Variants in PPEF1 observed in about 807,000 individuals in gnomAD.
PPEF1 encodes the protein protein phosphatase with EF-hand domain 1.
A neutral mutation model predicts 53.3 loss-of-function variants in PPEF1; 12 were observed. That is an observed-to-expected ratio of 0.23 (90% CI 0.14 to 0.36). PPEF1 has a LOEUF of 0.36. Ranked by LOEUF, PPEF1 falls within the 10% of genes least tolerant of loss-of-function variation. The pLI is 1.00. For missense variants in PPEF1, 334 were observed against 490.4 expected (o/e 0.68, Z 3.01); for synonymous variants, 165 against 176.7 (o/e 0.93, Z 0.52).
chrX:18,740,400 C>CCT (rs914168779), intron 3 of PPEF1, among the ~76,000 whole-genome samples: 4 of 100,252 alleles, frequency 4.0e-5, no homozygotes, highest in Admixed American at 2.2e-4. Context: ...TGTTTTCTGT[C>CCT]CTCTCTCTCT....
chrX:18,816,846 C>G (rs896932537), intron 12 of PPEF1, among the ~76,000 whole-genome samples: 5 of 111,614 alleles, frequency 4.5e-5, no homozygotes, highest in African/African-American at 1.6e-4. Flanking sequence ...GTATGCCACT[C>G]TAGCTCTCAG....
At chrX:18,675,294 GC>G (rs753089176), upstream of PPEF1, among the ~76,000 whole-genome samples, 1 of 113,575 alleles carries the variant, frequency 8.8e-6, no homozygotes, top group East Asian at 2.8e-4. Context: ...CGGGCTTTGC[GC>G]CCCCGGCAGC....
At chrX:18,714,517 C>T (rs1036562487) in intron 1 of PPEF1, among the ~76,000 whole-genome samples, 5 of 111,249 alleles carry the variant, frequency 4.5e-5, no homozygotes, top group Admixed American at 9.5e-5. Flanking sequence ...ATGGTTCGCC[C>T]GCCTCGGCCT....
chrX:18,813,116 C>T (rs188319291), intron 12 of PPEF1, among the ~76,000 whole-genome samples: 75 of 111,267 alleles, frequency 6.7e-4, no homozygotes, highest in African/African-American at 2.4e-3. Flanking sequence ...CACGGTGGCT[C>T]ATGCCTGTAA....
intron 6 of PPEF1, among the ~76,000 whole-genome samples, chrX:18,770,075 A>T (rs180774815): frequency 9.0e-6 from 1 of 111,689 alleles, no homozygotes; most frequent in Non-Finnish European, 1.9e-5. Context: ...TCACCATGTC[A>T]TAGACGGTTT....
intron 1 of PPEF1, among the ~76,000 whole-genome samples, chrX:18,709,267 C>G (rs1311480107): frequency 9.0e-6 from 1 of 111,573 alleles, no homozygotes; most frequent in East Asian, 2.8e-4. Context: ...CCTCTCAGCC[C>G]CTGGCAACCA....
At position 18,677,701 on chromosome X, in the gene PPEF1, G is replaced by C. The variant is rs1801816100; in HGVS notation, c.-587+1571G>C. 4.5e-5 allele frequency among the ~76,000 whole-genome samples: 5 copies of C among 111,428 alleles called. No homozygotes were observed. The South Asian group carries it at 1.9e-3, about 42-fold the overall frequency. On this transcript the variant is annotated intron_variant, in intron 1 of 20. Coordinates refer to the PPEF1 transcript ENST00000689646. ...AGAAGAGAACTTCTGGAAGTCCCCT[G>C]CCAGCCACCGTCTGCTCTCGTGCTC...
Position 18,823,958 on chromosome X carries a change from G to A in PPEF1, c.1537G>A (p.Glu513Lys). 8.3e-7 allele frequency: 1 copy of A among 1,207,402 alleles called. No homozygotes were observed. ...LSVSQWAFCMENILGLNLPWR... is the reference protein window; with the variant it reads ...LSVSQWAFCMKNILGLNLPWR... ...TGTGAGCCAGTGGGCTTTTTGCATGGAGAACATTTTGGGGCTGAACTTACC... is the reference window on the plus strand; with the variant it reads ...TGTGAGCCAGTGGGCTTTTTGCATGAAGAACATTTTGGGGCTGAACTTACC... The change falls in exon 14 of 16, where the codon GAG (glutamate) becomes AAG (lysine). Residue 513 changes from glutamate (E) to lysine (K), a missense_variant. Coordinates refer to ENST00000470157, the MANE Select transcript of PPEF1 (RefSeq NM_001377996.1).
intron 2 of PPEF1, among the ~76,000 whole-genome samples, chrX:18,731,994 C>G (rs2044849254): frequency 8.9e-6 from 1 of 112,354 alleles, no homozygotes. Context: ...TCAACCGATT[C>G]TCCTGCCTCA....
chrX:18,788,196 A>G, intron 9 of PPEF1, among the ~76,000 whole-genome samples: 1 of 104,584 alleles, frequency 9.6e-6, no homozygotes, highest in African/African-American at 3.5e-5. Flanking sequence ...GGGCGCCTGT[A>G]GTCAGTGCTG....
At chrX:18,737,546 A>C (rs1262899213) in intron 3 of PPEF1, among the ~76,000 whole-genome samples, 1 of 111,720 alleles carries the variant, frequency 9.0e-6, no homozygotes, top group South Asian at 3.7e-4. Flanking sequence ...ACTTCCAACT[A>C]TGTGGTCAGT....
intron 2 of PPEF1, 116 bp from the exon 3 acceptor site, chrX:18,733,632 A>C (rs2044890918): frequency 1.8e-6 from 1 of 552,812 alleles, no homozygotes; most frequent in African/African-American, 2.4e-5. Flanking sequence ...CACCTGCAGC[A>C]GCTGAGATAC....
At chrX:18,787,756 CAAAAAA>C (rs11444215) in intron 9 of PPEF1, among the ~76,000 whole-genome samples, 5 of 52,570 alleles carry the variant, frequency 9.5e-5, no homozygotes, top group Non-Finnish European at 1.5e-4. Context: ...CCCATCTTTA[CAAAAAA>C]AAAAAAAAAG....
At chrX:18,723,273 C>T (rs1233977560) in intron 1 of PPEF1, among the ~76,000 whole-genome samples, 1 of 111,455 alleles carries the variant, frequency 9.0e-6, no homozygotes, top group African/African-American at 3.3e-5. Flanking sequence ...GCGTGAGCCA[C>T]CATGTGCAGT....
intron 4 of PPEF1, among the ~76,000 whole-genome samples, chrX:18,757,192 G>A (rs1297339068): frequency 9.0e-6 from 1 of 111,681 alleles, no homozygotes; most frequent in Non-Finnish European, 1.9e-5. Flanking sequence ...GTCCAATATG[G>A]CAATAGGTCT....
intron 3 of PPEF1, chrX:18,686,285 C>CT (rs1929074280): frequency 9.0e-6 from 1 of 111,049 alleles, no homozygotes; most frequent in Non-Finnish European, 1.9e-5. Flanking sequence ...ATTTCCCTGC[C>CT]TTTTGGTTGG....
chrX:18,734,457 C>T (rs1455856628), intron 3 of PPEF1, among the ~76,000 whole-genome samples: 1 of 110,735 alleles, frequency 9.0e-6, no homozygotes, highest in Non-Finnish European at 1.9e-5. Context: ...AGGGCATGAA[C>T]TCATCCTTTT....
chrX:18,723,984 C>T (rs113835729), intron 1 of PPEF1, among the ~76,000 whole-genome samples: 7,443 of 110,454 alleles, frequency 0.067, 643 homozygotes, highest in African/African-American at 0.23. Flanking sequence ...GACAGGGTTT[C>T]GCCATGTTGC....
chrX:18,707,394 A>G (rs897005789), upstream of PPEF1, among the ~76,000 whole-genome samples: 6 of 112,425 alleles, frequency 5.3e-5, no homozygotes, highest in East Asian at 1.1e-3. Flanking sequence ...TTCATTTTGA[A>G]TGCTCTATTT....
Sources: allele counts gnomAD v4.1 joint callset (sites outside exome capture counted in the v4.1 genomes callset), GRCh38; gene constraint gnomAD v4.1.1; transcripts MANE v1.5; gene names NCBI Gene and HGNC (gene_info 2026-07-23, HGNC 2026-07-21).